SAFB2: variants seen among roughly 807,000 people sequenced by gnomAD.
SAFB2 encodes the protein scaffold attachment factor B2.
A neutral mutation model predicts 100.6 loss-of-function variants in SAFB2; 32 were observed. The ratio of observed to expected loss-of-function variants is 0.32; its 90% confidence interval spans 0.24 to 0.43. The LOEUF is 0.43. SAFB2 is among the 20% of genes least tolerant of loss of function. The pLI is 1.00. For missense variants in SAFB2, 1,185 were observed against 1,163.4 expected, an observed-to-expected ratio of 1.02 and a Z score of -0.27; for synonymous variants, 500 against 439.4, an observed-to-expected ratio of 1.14 and a Z score of -1.72.
intron 1 of SAFB2, 85 bp downstream of exon 1, chr19:5,622,445 C>G: frequency 7.3e-7 from 1 of 1,368,176 alleles, no homozygotes. Context: ...CCCAGGGCGC[C>G]CCGGGTCCGG....
intron 16 of SAFB2, among the ~76,000 whole-genome samples, chr19:5,592,036 CAGTT>C (rs2145316977): frequency 6.6e-6 from 1 of 152,332 alleles, no homozygotes; most frequent in East Asian, 1.9e-4. Context: ...GGGGAGCTCT[CAGTT>C]AGGGGAACAG....
At chr19:5,614,573 T>C (rs1418447371) in intron 4 of SAFB2, among the ~76,000 whole-genome samples, 1 of 152,208 alleles carries the variant, frequency 6.6e-6, no homozygotes, top group Admixed American at 6.5e-5. Flanking sequence ...AGGCAATGAC[T>C]TTTGACCGTA....
chr19:5,588,450 A>C lies in SAFB2; in HGVS notation c.2526-470T>G, dbSNP rs368141443. Among the ~76,000 whole-genome samples, 50 of 152,346 alleles carry C rather than the reference A, an allele frequency of 3.3e-4. No individual in the cohort carries two copies. The East Asian group carries it at 5.8e-3, about 18-fold the overall frequency. On this transcript the variant is annotated intron_variant, in intron 18 of 20. Transcript: ENST00000252542. ...AAGACATCTGTGCATGAATGTTCCT[A>C]GCGGCAGGATTCCTAACAGCCAAAG...
chr19:5,614,820 C>A (rs929880714), intron 4 of SAFB2, among the ~76,000 whole-genome samples: 4 of 152,220 alleles, frequency 2.6e-5, no homozygotes, highest in African/African-American at 9.6e-5. Context: ...CCTTTACATA[C>A]AAGGATGCTC....
chr19:5,615,374 A>C (rs958116101), intron 4 of SAFB2, among the ~76,000 whole-genome samples: 1 of 151,022 alleles, frequency 6.6e-6, no homozygotes, highest in Non-Finnish European at 1.5e-5. Flanking sequence ...CAAACAAACA[A>C]AACACAACAT....
chr19:5,611,710 G>A (rs769351531), intron 6 of SAFB2, 80 bp from the exon 7 acceptor site: 5 of 394,662 alleles, frequency 1.3e-5, no homozygotes, highest in Admixed American at 9.7e-5. Context: ...GAACTGGCAC[G>A]GCTGCCACAC....
At chr19:5,608,727 A>C (rs2052833677) in intron 9 of SAFB2, among the ~76,000 whole-genome samples, 1 of 152,234 alleles carries the variant, frequency 6.6e-6, no homozygotes, top group Admixed American at 6.5e-5. Context: ...AGAGGCACCC[A>C]GGAGACCAGG....
chr19:5,596,403 G>A (rs1469095409), intron 13 of SAFB2, among the ~76,000 whole-genome samples: 1 of 152,166 alleles, frequency 6.6e-6, no homozygotes, highest in Non-Finnish European at 1.5e-5. Context: ...CTGTTGTCCA[G>A]CCTGGAGTAC....
At chr19:5,612,978 A>G (rs1212873940) in intron 5 of SAFB2, among the ~76,000 whole-genome samples, 1 of 152,078 alleles carries the variant, frequency 6.6e-6, no homozygotes, top group African/African-American at 2.4e-5. Context: ...TGATCTCTCT[A>G]CTCTGCTGAA....
intron 9 of SAFB2, among the ~76,000 whole-genome samples, chr19:5,606,323 A>G (rs1473123504): frequency 6.6e-6 from 1 of 152,232 alleles, no homozygotes; most frequent in African/African-American, 2.4e-5. Flanking sequence ...CACAACATCC[A>G]GTAAAAAATT....
At chr19:5,609,441 C>G (rs2052856567) in intron 9 of SAFB2, among the ~76,000 whole-genome samples, 1 of 151,884 alleles carries the variant, frequency 6.6e-6, no homozygotes, top group Non-Finnish European at 1.5e-5. Context: ...GTAGCTGCGA[C>G]TACAGGCACA....
chr19:5,622,315 A>G (rs1297504176), intron 1 of SAFB2, among the ~76,000 whole-genome samples: 2 of 152,132 alleles, frequency 1.3e-5, no homozygotes, highest in Non-Finnish European at 2.9e-5. Context: ...CTTGAGGAGA[A>G]AAGGTGGAAA....
At position 5,587,196 on chromosome 19, in the gene SAFB2, G is replaced by A. The variant is rs377415067; in HGVS notation, c.*47C>T. On this transcript the variant is annotated 3_prime_UTR_variant, in exon 21 of 21. Coordinates refer to ENST00000252542, the MANE Select transcript of SAFB2 (RefSeq NM_014649.3). This position sits in a 1 kb window ranked among gnomAD's most constrained non-coding sequence, Gnocchi z 4.9. ...AAGTTCGAGGGAACCCTGGCTACCAGATTCAACAGTGCGTCTGCCCACCCG... is the reference window on the plus strand; with the variant it reads ...AAGTTCGAGGGAACCCTGGCTACCAAATTCAACAGTGCGTCTGCCCACCCG... The A allele has an allele frequency of 6.3e-7, 1 of 1,596,582 alleles. No individual in the cohort carries two copies. The highest frequency in any genetic ancestry group is 2.1e-4 in the Middle Eastern group (1 of 4,714).
chr19:5,596,685 T>C (rs189769866), intron 13 of SAFB2, among the ~76,000 whole-genome samples: 15 of 152,252 alleles, frequency 9.9e-5, no homozygotes, highest in Admixed American at 4.6e-4. Flanking sequence ...CTCAGAGCTG[T>C]AACAACTGAC....
chr19:5,598,718 C>A, intron 13 of SAFB2, 75 bp downstream of exon 13: 1 of 1,372,560 alleles, frequency 7.3e-7, no homozygotes, highest in Non-Finnish European at 1.0e-6. Context: ...GTGCTGTTTT[C>A]ATAATGCGGA....
Position 5,600,108 on chromosome 19 carries a change from G to C in SAFB2, c.1690+22C>G, listed in dbSNP as rs2285968. 973 of 1,603,558 alleles carry C rather than the reference G, an allele frequency of 6.1e-4. 7 individuals carry two copies. The East Asian group carries it at 0.016, about 26-fold the overall frequency. ...CCGTGCCAGGCCTTCCCCTTCCACA[G>C]CTCTTAAAAGGCTCTCCTCACCTGA... On this transcript the variant is annotated intron_variant, in intron 12 of 20. Transcript: ENST00000252542.
chr19:5,603,720 T>A (rs1051998601), intron 11 of SAFB2, among the ~76,000 whole-genome samples: 41 of 152,142 alleles, frequency 2.7e-4, no homozygotes, highest in African/African-American at 9.4e-4. Context: ...GGTGGCACTG[T>A]GAACTCACAG....
chr19:5,595,229 T>C (rs2052510600), intron 14 of SAFB2, 132 bp downstream of exon 14: 1 of 1,251,198 alleles, frequency 8.0e-7, no homozygotes, highest in Non-Finnish European at 1.1e-6. Flanking sequence ...AGGACCCAGG[T>C]TAAGCACGAC....
At chr19:5,602,719 A>G (rs2052689263) in intron 11 of SAFB2, among the ~76,000 whole-genome samples, 3 of 152,078 alleles carry the variant, frequency 2.0e-5, no homozygotes, top group Non-Finnish European at 4.4e-5. Context: ...ACCACACCAT[A>G]CTGTTAGCTA....
Sources: allele counts gnomAD v4.1 joint callset (sites outside exome capture counted in the v4.1 genomes callset), GRCh38; gene constraint gnomAD v4.1.1; non-coding constraint Gnocchi (gnomAD v3.1); transcripts MANE v1.5; gene names NCBI Gene and HGNC (gene_info 2026-07-23, HGNC 2026-07-21).